CFAP97D2: variants seen among roughly 807,000 people sequenced by gnomAD.
CFAP97D2 encodes uncharacterized protein CFAP97D2.
chr13:114,212,122 A>G (rs1349672550), intron 4 of CFAP97D2: 1 of 398,460 alleles, frequency 2.5e-6, no homozygotes, highest in Non-Finnish European at 4.4e-6. Flanking sequence ...CTTCTTTTTC[A>G]TCTAAAATCC....
At chr13:114,206,601 C>T (rs1345776472) in intron 3 of CFAP97D2, among the ~76,000 whole-genome samples, 1 of 152,126 alleles carries the variant, frequency 6.6e-6, no homozygotes, top group African/African-American at 2.4e-5. Context: ...GACGATTCCA[C>T]GTATATGAAA....
rs1374723189 is a variant in CFAP97D2, at chr13:114,198,934, T to C, written c.172-1391T>C. Among the ~76,000 whole-genome samples, 13 of 44,864 alleles carry C rather than the reference T, an allele frequency of 2.9e-4. 4 individuals carry two copies. Among genetic ancestry groups the C allele is most frequent in the Admixed American group, 2.0e-3 (10 of 5,072 alleles). 29.4% of individuals were successfully genotyped at this position (44,864 alleles called of 152,430 possible). On this transcript the variant is annotated intron_variant, in intron 2 of 4. Coordinates refer to ENST00000646158, the Ensembl canonical transcript of CFAP97D2. ...TGACGGCGCGTCCCCGTGTGTACGG[T>C]CCCCGCTGAGGTGTGATGGCGCGTC...
At chr13:114,204,512 T>A (rs936337996) in intron 3 of CFAP97D2, among the ~76,000 whole-genome samples, 2 of 152,154 alleles carry the variant, frequency 1.3e-5, no homozygotes, top group Non-Finnish European at 2.9e-5. Flanking sequence ...GATAGACATA[T>A]AAATCAATGG....
intron 2 of CFAP97D2, among the ~76,000 whole-genome samples, chr13:114,196,770 AG>A (rs2080889457): frequency 6.6e-6 from 1 of 152,224 alleles, no homozygotes; most frequent in African/African-American, 2.4e-5. Context: ...ACACAGCCCC[AG>A]GAAGTCCTTG....
rs2080965299 is a variant in CFAP97D2, at chr13:114,211,210, C to T, written c.291-702C>T. ...CCCCTACTCTAGGCGCTTCCGCAGC[C>T]CCCCATGGCTCCCTCTCCATCCAAT... On this transcript the variant is annotated intron_variant, in intron 3 of 4. Coordinates refer to ENST00000646158, the Ensembl canonical transcript of CFAP97D2. The surrounding 1 kb of genome is among the most constrained non-coding windows in gnomAD (Gnocchi z 4.2). 6.6e-6 allele frequency among the ~76,000 whole-genome samples: 1 copy of T among 152,174 alleles called. No homozygotes were observed. The highest frequency in any genetic ancestry group is 1.5e-5 in the Non-Finnish European group (1 of 68,038).
chr13:114,212,357 G>A, intron 4 of CFAP97D2: 1 of 309,522 alleles, frequency 3.2e-6, no homozygotes, highest in Non-Finnish European at 5.9e-6. Flanking sequence ...CTGATTGATT[G>A]TAGATTGTGA....
chr13:114,197,196 T>G (rs1378807641), intron 2 of CFAP97D2, among the ~76,000 whole-genome samples: 1 of 152,234 alleles, frequency 6.6e-6, no homozygotes, highest in African/African-American at 2.4e-5. Context: ...CTCTACAGAA[T>G]GTAGATTTTC....
chr13:114,197,564 C>G (rs1489432420), intron 2 of CFAP97D2, among the ~76,000 whole-genome samples: 1 of 152,140 alleles, frequency 6.6e-6, no homozygotes, highest in East Asian at 1.9e-4. Context: ...CATGACCCAT[C>G]ATGTCTTGGG....
intron 1 of CFAP97D2, among the ~76,000 whole-genome samples, chr13:114,182,650 G>A (rs201458477): frequency 9.8e-4 from 146 of 148,454 alleles, no homozygotes; most frequent in African/African-American, 3.0e-3. Flanking sequence ...GAGACTAGAG[G>A]ATGGCGATGA....
intron 2 of CFAP97D2, among the ~76,000 whole-genome samples, chr13:114,198,102 C>T (rs1175389313): frequency 6.6e-6 from 1 of 152,212 alleles, no homozygotes; most frequent in Non-Finnish European, 1.5e-5. Flanking sequence ...ATTCCCCTGC[C>T]TCAGCCTCTC....
chr13:114,221,506 G>A (rs1166545095), intron 4 of CFAP97D2, among the ~76,000 whole-genome samples: 1 of 152,190 alleles, frequency 6.6e-6, no homozygotes. Context: ...ATGAGAAGAT[G>A]TTCAATGTTA....
In CFAP97D2 at chr13:114,189,130, T is replaced by A. The variant is rs2080860767; in HGVS notation, c.91-7266T>A. 6.6e-6 allele frequency among the ~76,000 whole-genome samples: 1 copy of A among 150,556 alleles called. No individual in the cohort carries two copies. Among genetic ancestry groups the A allele is most frequent in the Admixed American group, 6.6e-5 (1 of 15,092 alleles). On this transcript the variant is annotated intron_variant, in intron 1 of 4. Coordinates refer to ENST00000646158, the Ensembl canonical transcript of CFAP97D2. This position sits in a 1 kb window ranked among gnomAD's most constrained non-coding sequence, Gnocchi z 4.5. ...TAATATTACTAATATTAAAAAGCTA[T>A]GATCATCAAGAAAGGAAAAAAGGAG...
chr13:114,191,375 A>T (rs1251730918), intron 1 of CFAP97D2, among the ~76,000 whole-genome samples: 1 of 152,232 alleles, frequency 6.6e-6, no homozygotes, highest in Non-Finnish European at 1.5e-5. Flanking sequence ...GATACGTCTG[A>T]TAAAAGACTG....
At chr13:114,184,535 G>A (rs527483270) in intron 1 of CFAP97D2, among the ~76,000 whole-genome samples, 124 of 152,338 alleles carry the variant, frequency 8.1e-4, no homozygotes, top group African/African-American at 2.6e-3. Context: ...AGAATGACAC[G>A]CTCACCTCCT....
intron 4 of CFAP97D2, among the ~76,000 whole-genome samples, chr13:114,217,678 T>C (rs1469151647): frequency 1.3e-5 from 2 of 152,136 alleles, no homozygotes; most frequent in African/African-American, 4.8e-5. Flanking sequence ...TTATCCACCA[T>C]GATCAAGTAG....
chr13:114,220,557 T>C (rs965300168), intron 4 of CFAP97D2, among the ~76,000 whole-genome samples: 3 of 152,222 alleles, frequency 2.0e-5, no homozygotes, highest in Non-Finnish European at 2.9e-5. Flanking sequence ...TTTGTACCTG[T>C]TTCTACTGAA....
At chr13:114,212,366 G>A in intron 4 of CFAP97D2, 1 of 292,492 alleles carries the variant, frequency 3.4e-6, no homozygotes. Flanking sequence ...TGTAGATTGT[G>A]AGAGAAAGAT....
intron 1 of CFAP97D2, among the ~76,000 whole-genome samples, chr13:114,192,785 A>G (rs1594515274): frequency 6.6e-6 from 1 of 152,350 alleles, no homozygotes; most frequent in East Asian, 1.9e-4. Flanking sequence ...AGGAAATTCC[A>G]TAGATGCAAG....
At chr13:114,188,199 C>T (rs754641696) in intron 1 of CFAP97D2, among the ~76,000 whole-genome samples, 3 of 149,556 alleles carry the variant, frequency 2.0e-5, no homozygotes, top group South Asian at 2.1e-4. Flanking sequence ...CAGTAGATCA[C>T]GTGAGCTGAG....
Sources: gnomAD v4.1 joint callset for allele counts (sites outside exome capture counted in the v4.1 genomes callset) on GRCh38, gnomAD v4.1.1 for gene constraint, Gnocchi (gnomAD v3.1) non-coding constraint, MANE v1.5 for transcripts, NCBI Gene and HGNC (gene_info 2026-07-23, HGNC 2026-07-21) for gene names.